RBIS: variants seen among roughly 807,000 people sequenced by gnomAD.
RBIS encodes the protein ribosome biogenesis factor identified in screen.
In RBIS, 9 loss-of-function variants were observed where a neutral mutation model predicts 9.8. The observed-to-expected ratio is 0.92, with a 90% CI of 0.56 to 1.61. RBIS has a LOEUF of 1.61. RBIS is among the 40% of genes most tolerant of loss of function. The pLI, the probability that RBIS is intolerant of heterozygous loss-of-function variation, is 0.00. For missense variants in RBIS, 103 were observed against 116.0 expected (o/e 0.89, Z 0.51); for synonymous variants, 35 against 37.9 (o/e 0.92, Z 0.28).
At position 85,217,374 on chromosome 8, in the gene RBIS, A is replaced by G. The variant is rs765934728; in HGVS notation, c.114+12T>C. On this transcript the variant is annotated intron_variant, in intron 2 of 3. Coordinates refer to ENST00000619594, the MANE Select transcript of RBIS (RefSeq NM_001099673.3). ...GTAAACAATAAAGTCAGAGTGCTTA[A>G]CTAATACTCACCTTCTTAAGATTAG... 6.9e-7 allele frequency: 1 copy of G among 1,447,186 alleles called. No individual in the cohort carries two copies. The highest frequency in any genetic ancestry group is 9.7e-7 in the Non-Finnish European group (1 of 1,028,240). The allele number at this position is 1,447,186 out of a possible 1,614,324, so 89.6% of individuals were successfully genotyped here. A position where few individuals can be genotyped will look rare whatever the true frequency, so the allele number is the denominator to read the frequency against.
At chr8:85,214,723 C>T in intron 3 of RBIS, 92 bp from the exon 4 acceptor site, 1 of 897,076 alleles carries the variant, frequency 1.1e-6, no homozygotes, top group Non-Finnish European at 1.8e-6. Context: ...TTTTTCTAGT[C>T]ATATCTTTGG....
Position 85,214,998 on chromosome 8 carries a change from T to C in RBIS, c.154A>G (p.Lys52Glu). ...TCCTTTTGTACATTTACAAAAGCTTTATTTACTCTGTTAACTTTTTCCTCA... is the reference window on the plus strand; with the variant it reads ...TCCTTTTGTACATTTACAAAAGCTTCATTTACTCTGTTAACTTTTTCCTCA... ...MNEEKVNRVN[K>E]AFVNVQKELA... The change falls in exon 3 of 4, where the codon AAA becomes GAA. Residue 52 changes from lysine (K) to glutamate (E), a missense_variant. Coordinates refer to ENST00000619594, the MANE Select transcript of RBIS (RefSeq NM_001099673.3). The C allele has an allele frequency of 6.4e-7, 1 of 1,568,752 alleles. No individual in the cohort carries two copies. The highest frequency in any genetic ancestry group is 8.7e-7 in the Non-Finnish European group (1 of 1,149,088).
Position 85,214,163 on chromosome 8 carries a change from G to A in RBIS, c.*397C>T, listed in dbSNP as rs754887327. 9.3e-6 allele frequency: 5 copies of A among 536,386 alleles called. No homozygotes were observed. The East Asian group carries it at 1.9e-4, about 20-fold the overall frequency. The allele number at this position is 536,386 out of a possible 1,614,324, so 33.2% of individuals were successfully genotyped here. ...CCTTCTGTTTTTTCTTCTTAAGGAG[G>A]AAAGTTAAAGGACACTACAGGTCAT... On this transcript the variant is annotated 3_prime_UTR_variant, in exon 4 of 4. Coordinates refer to ENST00000619594, the MANE Select transcript of RBIS (RefSeq NM_001099673.3).
intron 1 of RBIS, chr8:85,218,840 T>C (rs1026235918): frequency 6.6e-6 from 1 of 151,638 alleles, no homozygotes; most frequent in African/African-American, 2.4e-5. Flanking sequence ...TCAAAAAAAT[T>C]AATTAATTAA....
intron 2 of RBIS, chr8:85,216,377 C>T (rs1375518891): frequency 6.6e-6 from 1 of 152,276 alleles, no homozygotes; most frequent in Non-Finnish European, 1.5e-5. Flanking sequence ...CCCTTACCTC[C>T]TTTGCACCTT....
intron 2 of RBIS, chr8:85,215,786 C>G (rs1813125046): frequency 6.6e-6 from 1 of 152,240 alleles, no homozygotes; most frequent in Non-Finnish European, 1.5e-5. Flanking sequence ...GTGAGCTGCT[C>G]TAGCAAATTA....
chr8:85,217,437 T>C lies in RBIS; in HGVS notation c.63A>G (p.Lys21=). 4 of 1,613,000 alleles carry C rather than the reference T, an allele frequency of 2.5e-6. No homozygotes were observed. Among genetic ancestry groups the C allele is most frequent in the Non-Finnish European group, 3.4e-6 (4 of 1,179,718 alleles). ...TTGCTTTGTTTTTAGCCTTAAAGTTTTTTTGGCTGGCTATGTGAAATACAT... is the reference window on the plus strand; with the variant it reads ...TTGCTTTGTTTTTAGCCTTAAAGTTCTTTTGGCTGGCTATGTGAAATACAT... ...SRNVFHIASQ[K]NFKAKNKAKP... Residue 21 remains lysine (K), a synonymous_variant, in exon 2 of 4, where the codon AAA becomes AAG. Coordinates refer to ENST00000619594, the MANE Select transcript of RBIS (RefSeq NM_001099673.3).
At chr8:85,219,986 G>A (rs1587515312) in intron 1 of RBIS, among the ~76,000 whole-genome samples, 1 of 152,272 alleles carries the variant, frequency 6.6e-6, no homozygotes, top group South Asian at 2.1e-4. Flanking sequence ...CAAGTGGAGA[G>A]GTTTACTAGA....
chr8:85,216,463 A>G (rs866065578), intron 2 of RBIS, among the ~76,000 whole-genome samples: 4 of 152,132 alleles, frequency 2.6e-5, no homozygotes, highest in African/African-American at 9.7e-5. Context: ...CTCCTGTCCA[A>G]ATAAAATAAT....
chr8:85,219,862 T>A (rs990203979), intron 1 of RBIS, among the ~76,000 whole-genome samples: 2 of 152,034 alleles, frequency 1.3e-5, no homozygotes, highest in African/African-American at 4.8e-5. Context: ...ACACAAAAAA[T>A]ATATATGGAA....
intron 2 of RBIS, chr8:85,216,240 C>G (rs973286895): frequency 1.3e-5 from 2 of 152,188 alleles, no homozygotes; most frequent in Non-Finnish European, 2.9e-5. Flanking sequence ...CTTCCTGGAC[C>G]TTCTTGTCTT....
At chr8:85,218,399 A>G (rs6990452) in intron 1 of RBIS, among the ~76,000 whole-genome samples, 114,051 of 151,276 alleles carry the variant, frequency 0.75, 43,781 homozygotes, top group African/African-American at 0.85. Context: ...ATGTGATATT[A>G]CACTTCATGT....
intron 1 of RBIS, chr8:85,219,280 A>G (rs375928081): frequency 9.8e-5 from 15 of 152,292 alleles, no homozygotes; most frequent in African/African-American, 2.4e-4. Flanking sequence ...TCTTCCTTCA[A>G]TGTAGCCTTA....
chr8:85,215,495 A>G (rs1813108034), intron 2 of RBIS: 1 of 152,270 alleles, frequency 6.6e-6, no homozygotes, highest in Non-Finnish European at 1.5e-5. Flanking sequence ...GCTCCAGAGG[A>G]GTGGGGATAA....
intron 1 of RBIS, among the ~76,000 whole-genome samples, chr8:85,218,394 A>G (rs6990449): frequency 0.76 from 114,875 of 151,256 alleles, 44,464 homozygotes; most frequent in African/African-American, 0.87. Context: ...ACGTTATGTG[A>G]TATTACACTT....
intron 1 of RBIS, among the ~76,000 whole-genome samples, chr8:85,220,099 A>T: frequency 6.6e-6 from 1 of 152,138 alleles, no homozygotes; most frequent in Non-Finnish European, 1.5e-5. Context: ...ATCATGAAAG[A>T]CACAGCCCAA....
intron 2 of RBIS, among the ~76,000 whole-genome samples, chr8:85,216,585 C>A (rs959170389): frequency 6.6e-6 from 1 of 152,190 alleles, no homozygotes; most frequent in Admixed American, 6.5e-5. Flanking sequence ...ATTGCTAGCT[C>A]TTTGTCATTC....
intron 1 of RBIS, 85 bp from the exon 2 acceptor site, chr8:85,217,587 C>T: frequency 1.2e-6 from 1 of 803,330 alleles, no homozygotes; most frequent in Non-Finnish European, 2.1e-6. Flanking sequence ...CCAATTAAAT[C>T]TAAAAAATTC....
At chr8:85,218,490 T>C (rs1280746238) in intron 1 of RBIS, 1 of 152,202 alleles carries the variant, frequency 6.6e-6, no homozygotes, top group East Asian at 1.9e-4. Context: ...CCTAGGTCCA[T>C]TTGTTCAAAC....
Sources: allele counts gnomAD v4.1 joint callset (sites outside exome capture counted in the v4.1 genomes callset), GRCh38; gene constraint gnomAD v4.1.1; transcripts MANE v1.5; gene names NCBI Gene and HGNC (gene_info 2026-07-23, HGNC 2026-07-21).